The following PDGFD variants were observed in gnomAD, a reference collection of about 807,000 sequenced individuals.
PDGFD encodes platelet derived growth factor D.
PDGFD carries 30 observed loss-of-function variants against 44.7 expected under a neutral mutation model. That is an observed-to-expected ratio of 0.67 (90% CI 0.50 to 0.91). PDGFD has a LOEUF of 0.91. PDGFD is among the 40% of genes least tolerant of loss of function. The probability of loss-of-function intolerance (pLI) is 0.00; values close to 1 mark genes in which losing one functional copy is unlikely to be tolerated. For missense variants in PDGFD, 445 were observed against 457.8 expected (o/e 0.97, Z 0.25); for synonymous variants, 173 against 168.4 (o/e 1.03, Z -0.21).
intron 3 of PDGFD, among the ~76,000 whole-genome samples, chr11:103,963,967 C>T (rs1188699742): frequency 6.6e-6 from 1 of 152,110 alleles, no homozygotes; most frequent in African/African-American, 2.4e-5. Context: ...AGACACTTTA[C>T]AAATCATTTA....
At chr11:104,137,618 C>T (rs1201464162) in intron 1 of PDGFD, among the ~76,000 whole-genome samples, 1 of 152,002 alleles carries the variant, frequency 6.6e-6, no homozygotes, top group Non-Finnish European at 1.5e-5. Flanking sequence ...TGCCACAGAC[C>T]ACCCTATTGA....
chr11:104,108,385 GC>G (rs1473888280), intron 1 of PDGFD, among the ~76,000 whole-genome samples: 5 of 151,992 alleles, frequency 3.3e-5, no homozygotes, highest in African/African-American at 1.2e-4. Flanking sequence ...CAAAAAGTGG[GC>G]AAAGGATATG....
intron 1 of PDGFD, among the ~76,000 whole-genome samples, chr11:104,139,153 T>C (rs1862049710): frequency 1.3e-5 from 2 of 152,180 alleles, no homozygotes; most frequent in East Asian, 1.9e-4. Context: ...TTCATTTATC[T>C]GATCTAGCAA....
chr11:103,955,307 C>T (rs1858826635), intron 3 of PDGFD, among the ~76,000 whole-genome samples: 1 of 150,206 alleles, frequency 6.7e-6, no homozygotes, highest in Admixed American at 6.6e-5. Flanking sequence ...GAGGGAAATC[C>T]AAATAAAGCC....
chr11:104,064,530 C>T (rs965222408), intron 1 of PDGFD, among the ~76,000 whole-genome samples: 3 of 152,108 alleles, frequency 2.0e-5, no homozygotes, highest in Admixed American at 2.0e-4. Context: ...AATCATATTT[C>T]ATAACTGGGG....
intron 1 of PDGFD, among the ~76,000 whole-genome samples, chr11:104,152,618 A>C (rs1862261879): frequency 6.6e-6 from 1 of 152,146 alleles, no homozygotes; most frequent in Admixed American, 6.6e-5. Context: ...GTATGACAAA[A>C]AGGATTCATT....
At chr11:104,062,047 T>C (rs1370436204) in intron 1 of PDGFD, among the ~76,000 whole-genome samples, 2 of 152,244 alleles carry the variant, frequency 1.3e-5, no homozygotes, top group Non-Finnish European at 2.9e-5. Flanking sequence ...TCGTGGAATG[T>C]TTCATAATTG....
intron 1 of PDGFD, among the ~76,000 whole-genome samples, chr11:104,063,221 TATC>T (rs146017725): frequency 0.017 from 2,568 of 152,150 alleles, 65 homozygotes; most frequent in African/African-American, 0.058. Context: ...TACATACCAA[TATC>T]ATCATCAACA....
intron 1 of PDGFD, among the ~76,000 whole-genome samples, chr11:104,031,345 C>G (rs1239490025): frequency 6.6e-6 from 1 of 152,162 alleles, no homozygotes; most frequent in Non-Finnish European, 1.5e-5. Context: ...TGAACAGACA[C>G]TTCTCAAAAG....
At chr11:104,000,889 G>T (rs1450976321) in intron 1 of PDGFD, among the ~76,000 whole-genome samples, 1 of 152,138 alleles carries the variant, frequency 6.6e-6, no homozygotes, top group African/African-American at 2.4e-5. Context: ...AATTTATCTG[G>T]TTTTTGTACT....
chr11:104,118,973 T>A (rs1302438254), intron 1 of PDGFD, among the ~76,000 whole-genome samples: 1 of 22,180 alleles, frequency 4.5e-5, no homozygotes, highest in South Asian at 1.1e-3. Flanking sequence ...AACAATATAA[T>A]AAAATAATAT....
At position 104,131,890 on chromosome 11, in the gene PDGFD, G is replaced by A. The variant is rs186269990; in HGVS notation, c.124+31914C>T. ...AATCTCTAGGCTGAAATTCTCATTT[G>A]CAGAAGTCTGGTAAAGAAGAGATAA... On this transcript the variant is annotated intron_variant, in intron 1 of 6. Coordinates refer to ENST00000393158, the MANE Select transcript of PDGFD (RefSeq NM_025208.5). Among the ~76,000 whole-genome samples, 149 of 149,434 alleles carry A rather than the reference G, an allele frequency of 1.0e-3. 1 individual carries two copies. Among genetic ancestry groups the A allele is most frequent in the Non-Finnish European group, 1.5e-3 (98 of 67,496 alleles).
intron 1 of PDGFD, among the ~76,000 whole-genome samples, chr11:104,109,872 G>A (rs980466863): frequency 6.6e-6 from 1 of 152,054 alleles, no homozygotes; most frequent in Non-Finnish European, 1.5e-5. Flanking sequence ...GATCCAGACT[G>A]CCTGGTATTC....
At chr11:103,930,231 G>A (rs1858380141) in intron 5 of PDGFD, among the ~76,000 whole-genome samples, 1 of 152,190 alleles carries the variant, frequency 6.6e-6, no homozygotes, top group South Asian at 2.1e-4. Flanking sequence ...AGTGTGGGGT[G>A]CTGCACAGTG....
At chr11:104,105,980 T>C (rs1861467041) in intron 1 of PDGFD, among the ~76,000 whole-genome samples, 1 of 152,144 alleles carries the variant, frequency 6.6e-6, no homozygotes, top group African/African-American at 2.4e-5. Flanking sequence ...ATGGCATGTG[T>C]AGTTGTCCAA....
At chr11:104,160,464 A>G (rs537795946) in intron 1 of PDGFD, among the ~76,000 whole-genome samples, 31 of 152,324 alleles carry the variant, frequency 2.0e-4, no homozygotes, top group African/African-American at 7.5e-4. Context: ...ACTGAGCAAC[A>G]CTTAGTTTTG....
At chr11:104,162,318 G>A (rs1315876343) in intron 1 of PDGFD, among the ~76,000 whole-genome samples, 1 of 152,052 alleles carries the variant, frequency 6.6e-6, no homozygotes, top group Non-Finnish European at 1.5e-5. Flanking sequence ...ATTACAAGTG[G>A]AATTTTACTC....
At chr11:103,979,155 A>G (rs1859226626) in intron 3 of PDGFD, among the ~76,000 whole-genome samples, 1 of 152,062 alleles carries the variant, frequency 6.6e-6, no homozygotes, top group African/African-American at 2.4e-5. Flanking sequence ...TCTGCAGTCT[A>G]AATTATACTC....
intron 3 of PDGFD, among the ~76,000 whole-genome samples, chr11:103,977,548 C>A (rs550362781): frequency 6.6e-6 from 1 of 152,056 alleles, no homozygotes; most frequent in African/African-American, 2.4e-5. Flanking sequence ...AAAAACTGAG[C>A]TAGATTCCTT....
Sources: allele counts gnomAD v4.1 joint callset (sites outside exome capture counted in the v4.1 genomes callset), GRCh38; gene constraint gnomAD v4.1.1; transcripts MANE v1.5; gene names NCBI Gene and HGNC (gene_info 2026-07-23, HGNC 2026-07-21).